ENO1: variants seen among roughly 807,000 people sequenced by gnomAD.
The protein encoded by ENO1 is enolase 1, also known as alpha-enolase.
Under a neutral mutation model 46.3 loss-of-function variants are expected in ENO1, and 33 were observed. The ratio of observed to expected loss-of-function variants is 0.71; its 90% CI spans 0.54 to 0.95. The LOEUF is 0.95. Ranked by LOEUF, ENO1 falls within the 40% of genes least tolerant of loss-of-function variation. ENO1 has a pLI of 0.00. For synonymous variants in ENO1, 220 were observed against 216.0 expected, an observed-to-expected ratio of 1.02 and a Z score of -0.16; for missense variants, 488 against 553.3, an observed-to-expected ratio of 0.88 and a Z score of 1.18.
rs1642396142 is a variant in ENO1 at position 8,861,287 on chromosome 1, A to G, written c.*73T>C. ...CTGCAAGTGTTGGTCGGGGGCCTCG[A>G]GCTGCCTGAGCTGACACGAGGGGAG... is the stretch of plus-strand genomic sequence containing the variant. On this transcript the variant is annotated 3_prime_UTR_variant, in exon 12 of 12. Transcript: ENST00000234590. 1.3e-6 allele frequency: 2 copies of G among 1,527,324 alleles called. No individual in the cohort carries two copies. Among genetic ancestry groups the G allele is most frequent in the South Asian group, 2.2e-5 (2 of 89,004 alleles). The allele number at this position is 1,527,324 out of a possible 1,614,324, so 94.6% of individuals were successfully genotyped here. A position where few individuals can be genotyped will look rare whatever the true frequency, so the allele number is the denominator to read the frequency against.
At chr1:8,877,572 T>C (rs1301443850) in intron 1 of ENO1, 25 of 151,538 alleles carry the variant, frequency 1.6e-4, no homozygotes, top group Admixed American at 1.5e-3. Flanking sequence ...TACATCCTTC[T>C]TGGCCTAGCG....
intron 1 of ENO1, among the ~76,000 whole-genome samples, chr1:8,876,641 T>C (rs1271408271): frequency 6.6e-6 from 1 of 152,076 alleles, no homozygotes; most frequent in Non-Finnish European, 1.5e-5. Flanking sequence ...CTCACGCCTG[T>C]AATCCCAGCA....
chr1:8,877,619 G>GT (rs1642761651), intron 1 of ENO1: 1 of 152,066 alleles, frequency 6.6e-6, no homozygotes, highest in Admixed American at 6.6e-5. Flanking sequence ...ACTTTGGGAG[G>GT]CCGAGGCGGG....
At position 8,863,962 on chromosome 1, in the gene ENO1, C is replaced by A. The variant is rs770425973; in HGVS notation, c.996G>T (p.Val332=). The part of the protein sequence containing the change: ...VTNPKRIAKA[V]NEKSCNCLLL... The stretch of plus-strand genomic sequence containing the variant: ...GGAGGCAGTTGCAGGACTTCTCGTT[C>A]ACGGCCTTGGCGATCCTCTTTGGGT... Residue 332 remains valine (V), a synonymous_variant, in exon 9 of 12, where the codon GTG becomes GTT. Transcript: ENST00000234590. 1 of 1,614,138 alleles carries A rather than the reference C, an allele frequency of 6.2e-7. No individual in the cohort carries two copies. The highest frequency in any genetic ancestry group is 1.7e-5 in the Admixed American group (1 of 60,020).
intron 2 of ENO1, 67 bp from the exon 3 acceptor site, chr1:8,872,053 C>T (rs1642645176): frequency 5.9e-6 from 8 of 1,346,324 alleles, no homozygotes; most frequent in South Asian, 2.3e-5. Flanking sequence ...CCCAAGTCCC[C>T]TCCCGCCCAC....
intron 2 of ENO1, among the ~76,000 whole-genome samples, chr1:8,873,232 G>A (rs1361328642): frequency 6.6e-6 from 1 of 152,174 alleles, no homozygotes; most frequent in African/African-American, 2.4e-5. Flanking sequence ...GCTGACAATG[G>A]GGGGGCTGCG....
chr1:8,863,167 C>G, intron 10 of ENO1, 68 bp downstream of exon 10: 1 of 1,557,956 alleles, frequency 6.4e-7, no homozygotes. Context: ...AGACATGGAG[C>G]CTCACTGGTT....
At chr1:8,863,144 G>T in intron 10 of ENO1, 91 bp downstream of exon 10, 1 of 1,482,068 alleles carries the variant, frequency 6.7e-7, no homozygotes. Context: ...GGGGACATGA[G>T]CAAAACGGGG....
rs1399043686 is a variant in ENO1 at position 8,866,364 on chromosome 1, A to G, written c.582T>C (p.Asn194=). 2 of 1,614,166 alleles carry G rather than the reference A, an allele frequency of 1.2e-6. No homozygotes were observed. Among genetic ancestry groups the G allele is most frequent in the Middle Eastern group, 1.6e-4 (1 of 6,062 alleles). Reference sequence around the variant, plus strand: ...CTTTCCCATATTTCTCCTTGATGACATTCTTCAGGTTGTGGTAAACCTCTG... The same window carrying G: ...CTTTCCCATATTTCTCCTTGATGACGTTCTTCAGGTTGTGGTAAACCTCTG... The part of the protein sequence containing the change: ...IGAEVYHNLK[N]VIKEKYGKDA... The change falls in exon 7 of 12, where the codon AAT becomes AAC. Residue 194 remains asparagine, a synonymous_variant. Transcript: ENST00000234590.
At chr1:8,873,986 ACAGC>A (rs1642686154) in intron 2 of ENO1, 1 of 152,218 alleles carries the variant, frequency 6.6e-6, no homozygotes, top group Non-Finnish European at 1.5e-5. Context: ...ATAGGGATTG[ACAGC>A]CAGGTAAAAA....
At chr1:8,878,362 CGGGGG>C (rs1478649168) in intron 1 of ENO1, 1 of 309,954 alleles carries the variant, frequency 3.2e-6, no homozygotes, top group East Asian at 1.1e-4. Flanking sequence ...CCAAAGAAAT[CGGGGG>C]CCCAGCACGT....
intron 8 of ENO1, among the ~76,000 whole-genome samples, chr1:8,864,460 C>T (rs1406789893): frequency 6.6e-6 from 1 of 152,130 alleles, no homozygotes; most frequent in Non-Finnish European, 1.5e-5. Flanking sequence ...GCCAACCTAC[C>T]CAGCTACTTA....
In ENO1 at chr1:8,874,341, G is replaced by C. The variant is rs934688602; in HGVS notation, c.85+483C>G. Among the ~76,000 whole-genome samples, 3 of 152,138 alleles carry C rather than the reference G, an allele frequency of 2.0e-5. No individual in the cohort carries two copies. In the East Asian group the frequency reaches 5.8e-4, roughly 29 times the overall value. ...TAATGCCGGCACTTTGGGAGGCAGA[G>C]GCGGGCAGATCACCTGAGTGAGGTC... is the stretch of plus-strand genomic sequence containing the variant. On this transcript the variant is annotated intron_variant, in intron 2 of 11. Coordinates refer to ENST00000234590, the MANE Select transcript of ENO1 (RefSeq NM_001428.5).
At chr1:8,878,247 C>G (rs1642778661) in intron 1 of ENO1, 1 of 208,088 alleles carries the variant, frequency 4.8e-6, no homozygotes, top group Admixed American at 5.8e-5. Flanking sequence ...ACTTCCACTC[C>G]CAACTCCCGC....
chr1:8,867,151 A>G lies in ENO1; in HGVS notation c.410T>C (p.Leu137Ser), dbSNP rs1420127167. The G allele has an allele frequency of 1.9e-6, 3 of 1,614,014 alleles. No homozygotes were observed. In the African/African-American group the frequency reaches 4.0e-5, roughly 22 times the overall value. ...CAGGATGACTTCAGAGTTGCCAGCC[A>G]AGTCAGCGATGTGGCGGTACAGGGG... ...GVPLYRHIAD[L>S]AGNSEVILPV... The change falls in exon 6 of 12, where the codon TTG becomes TCG. Residue 137 changes from leucine (L) to serine (S), a missense_variant. Leu to Ser is a moderately radical substitution (Grantham distance 145). Transcript: ENST00000234590.
At chr1:8,867,819 C>T (rs576183482) in intron 5 of ENO1, among the ~76,000 whole-genome samples, 169 bp downstream of exon 5, 4 of 152,226 alleles carry the variant, frequency 2.6e-5, no homozygotes, top group South Asian at 2.1e-4. Flanking sequence ...CGTGAGCCAC[C>T]GCACCTGGCC....
chr1:8,864,927 A>G lies in ENO1; in HGVS notation c.865+358T>C, dbSNP rs527263648. 1.2e-4 allele frequency among the ~76,000 whole-genome samples: 18 copies of G among 152,282 alleles called. No homozygotes were observed. In the South Asian group the frequency reaches 3.5e-3, roughly 30 times the overall value. ...TGCACACACACAGCCTAAAATGAAT[A>G]TTCCCAGCTCACAGGAAGCATGATA... On this transcript the variant is annotated intron_variant, in intron 8 of 11. Transcript: ENST00000234590.
intron 4 of ENO1, 47 bp downstream of exon 4, chr1:8,870,405 C>A (rs372176939): frequency 3.1e-6 from 5 of 1,612,694 alleles, no homozygotes; most frequent in African/African-American, 1.3e-5. Context: ...GCCTGGGAGA[C>A]GCTCTGGTGG....
At position 8,870,460 on chromosome 1, in the gene ENO1, C is replaced by A. The variant is rs146619828; in HGVS notation, c.232G>T (p.Val78Phe). 25 of 1,614,050 alleles carry A rather than the reference C, an allele frequency of 1.5e-5. No individual in the cohort carries two copies. The highest frequency in any genetic ancestry group is 2.1e-5 in the Non-Finnish European group (25 of 1,180,040). Residue 78 changes from valine to phenylalanine, a missense_variant, in exon 4 of 12, where the codon GTT becomes TTT. By Grantham distance (50) the Val-to-Phe change is conservative. Coordinates refer to ENST00000234590, the MANE Select transcript of ENO1 (RefSeq NM_001428.5). ...CAGGAGGCAGGTCCTACCTTGCTAA[C>A]CAGGGCAGGCGCAATAGTTTTATTG... ...HINKTIAPAL[V>F]SKKLNVTEQE...
Sources: allele counts gnomAD v4.1 joint callset (sites outside exome capture counted in the v4.1 genomes callset), GRCh38; gene constraint gnomAD v4.1.1; transcripts MANE v1.5; gene names NCBI Gene and HGNC (gene_info 2026-07-23, HGNC 2026-07-21).